RAP1GAP: variants seen among roughly 807,000 people sequenced by gnomAD.
The protein encoded by RAP1GAP is RAP1 GTPase activating protein, also known as rap1 GTPase-activating protein 1.
A neutral mutation model predicts 87.2 loss-of-function variants in RAP1GAP; 35 were observed. The ratio of observed to expected loss-of-function variants is 0.40; its 90% CI spans 0.31 to 0.53. RAP1GAP has a LOEUF of 0.53. RAP1GAP is among the 20% of genes least tolerant of loss of function. The pLI is 0.48. For missense variants in RAP1GAP, 734 were observed against 898.9 expected (o/e 0.82, Z 2.35); for synonymous variants, 375 against 363.9 (o/e 1.03, Z -0.35).
rs1383590933 is a variant in RAP1GAP, at chr1:21,598,620, G to A, written c.1777-118C>T. The stretch of plus-strand genomic sequence containing the variant: ...ACAACCCCCCACCCGTACCCTCTGC[G>A]AGGAGGACGGGCCTAGCCATGTCTG... On this transcript the variant is annotated intron_variant, in intron 21 of 24. Coordinates refer to ENST00000374765, the MANE Select transcript of RAP1GAP (RefSeq NM_002885.4). 36 of 805,404 alleles carry A rather than the reference G, an allele frequency of 4.5e-5. No homozygotes were observed. The East Asian group carries it at 5.9e-4, about 13-fold the overall frequency. The allele number at this position is 805,404 out of a possible 1,614,324, so 49.9% of individuals were successfully genotyped here. A position where few individuals can be genotyped will look rare whatever the true frequency, so the allele number is the denominator to read the frequency against.
intron 13 of RAP1GAP, among the ~76,000 whole-genome samples, chr1:21,610,930 T>C (rs983527876): frequency 1.3e-5 from 2 of 152,238 alleles, no homozygotes; most frequent in African/African-American, 2.4e-5. Context: ...GATAGCCCTG[T>C]AGGAGGCTCA....
intron 21 of RAP1GAP, 146 bp downstream of exon 21, chr1:21,599,348 G>A: frequency 1.7e-6 from 2 of 1,172,250 alleles, no homozygotes; most frequent in Non-Finnish European, 1.2e-6. Flanking sequence ...GCAGGGGAGG[G>A]TTCGTCTGCA....
intron 3 of RAP1GAP, among the ~76,000 whole-genome samples, chr1:21,620,419 C>T (rs1374881176): frequency 1.3e-5 from 2 of 152,200 alleles, no homozygotes; most frequent in East Asian, 1.9e-4. Context: ...CCACCTCTCC[C>T]GGAAGGGGGC....
intron 20 of RAP1GAP, 72 bp downstream of exon 20, chr1:21,601,612 G>T: frequency 8.3e-7 from 1 of 1,210,058 alleles, no homozygotes; most frequent in South Asian, 1.5e-5. Context: ...GCTGTCCCGG[G>T]CCCAGGCAGG....
chr1:21,604,287 G>A (rs1192841684), intron 18 of RAP1GAP, among the ~76,000 whole-genome samples: 1 of 151,800 alleles, frequency 6.6e-6, no homozygotes, highest in Non-Finnish European at 1.5e-5. Flanking sequence ...GCCAGGGGAA[G>A]GCCGAAAGGA....
intron 3 of RAP1GAP, among the ~76,000 whole-genome samples, chr1:21,621,688 T>A (rs2087753958): frequency 6.6e-6 from 1 of 152,238 alleles, no homozygotes; most frequent in South Asian, 2.1e-4. Flanking sequence ...ACAGCAACTT[T>A]GGCTTCTGTG....
chr1:21,669,237 T>C lies in RAP1GAP; in HGVS notation c.-149+17A>G, dbSNP rs1371769767. The C allele has an allele frequency of 1.4e-5, 17 of 1,251,676 alleles. No individual in the cohort carries two copies. The highest frequency in any genetic ancestry group is 3.3e-5 in the African/African-American group (2 of 61,408). The allele number at this position is 1,251,676 out of a possible 1,614,324, so 77.5% of individuals were successfully genotyped here. A position where few individuals can be genotyped will look rare whatever the true frequency, so the allele number is the denominator to read the frequency against. ...CTTCCCCTTTCCAGGGCCGCAGCCC[T>C]GGCGGGGCGCACTCACCCAAGGGCC... On this transcript the variant is annotated intron_variant, in intron 1 of 24. Transcript: ENST00000374765. The surrounding 1 kb of genome is among the most constrained non-coding windows in gnomAD (Gnocchi z 5.6).
At chr1:21,598,900 G>T (rs1226007105) in intron 21 of RAP1GAP, among the ~76,000 whole-genome samples, 1 of 152,266 alleles carries the variant, frequency 6.6e-6, no homozygotes, top group East Asian at 1.9e-4. Context: ...AGCTGTATCT[G>T]TTGTATCTGG....
Position 21,626,329 on chromosome 1 carries a change from G to A in RAP1GAP, c.-44C>T, listed in dbSNP as rs2092035177. On this transcript the variant is annotated 5_prime_UTR_variant, in exon 3 of 25. Coordinates refer to ENST00000374765, the MANE Select transcript of RAP1GAP (RefSeq NM_002885.4). ...CTTAGGGTAGAGTGAAGGAGTATAG[G>A]AGGGAACTAAGTTCACTCGTGACAG... 2 of 1,611,850 alleles carry A rather than the reference G, an allele frequency of 1.2e-6. No homozygotes were observed. Among genetic ancestry groups the A allele is most frequent in the East Asian group, 2.2e-5 (1 of 44,876 alleles).
intron 2 of RAP1GAP, among the ~76,000 whole-genome samples, chr1:21,636,667 T>C (rs1054824589): frequency 1.3e-5 from 2 of 151,508 alleles, no homozygotes; most frequent in African/African-American, 4.9e-5. Context: ...ATTAGCCGGG[T>C]GTGGTAGCGC....
chr1:21,629,711 T>G (rs1167780405), intron 2 of RAP1GAP, among the ~76,000 whole-genome samples: 1 of 152,242 alleles, frequency 6.6e-6, no homozygotes, highest in Admixed American at 6.5e-5. Flanking sequence ...AGCCACGTCC[T>G]GCCGGGCGTC....
intron 2 of RAP1GAP, among the ~76,000 whole-genome samples, chr1:21,629,219 T>G (rs1369403117): frequency 6.6e-6 from 1 of 152,046 alleles, no homozygotes; most frequent in African/African-American, 2.4e-5. Flanking sequence ...AGTCCTGGGG[T>G]AGAAGCCCGG....
intron 1 of RAP1GAP, among the ~76,000 whole-genome samples, chr1:21,656,723 T>G (rs1224747171): frequency 1.3e-5 from 2 of 152,182 alleles, no homozygotes; most frequent in East Asian, 3.9e-4. Context: ...CCTGCTCTAT[T>G]CAATGGGTTT....
chr1:21,608,607 C>G (rs894089675), intron 16 of RAP1GAP, among the ~76,000 whole-genome samples: 21 of 151,364 alleles, frequency 1.4e-4, no homozygotes, highest in African/African-American at 4.9e-4. Flanking sequence ...GTCCACCCCC[C>G]CACCTGACAG....
intron 2 of RAP1GAP, among the ~76,000 whole-genome samples, chr1:21,648,862 C>G (rs956780220): frequency 2.6e-5 from 4 of 152,196 alleles, no homozygotes; most frequent in Admixed American, 6.5e-5. Flanking sequence ...CTGAGGCACC[C>G]TGTGTGCCTC....
Position 21,603,829 on chromosome 1 carries a change from G to C in RAP1GAP, c.1429-916C>G, listed in dbSNP as rs764806167. 1 of 1,611,124 alleles carries C rather than the reference G, an allele frequency of 6.2e-7. No homozygotes were observed. Among genetic ancestry groups the C allele is most frequent in the African/African-American group, 1.3e-5 (1 of 75,018 alleles). On this transcript the variant is annotated intron_variant, in intron 18 of 24. Coordinates refer to ENST00000374765, the MANE Select transcript of RAP1GAP (RefSeq NM_002885.4). This position sits in a 1 kb window ranked among gnomAD's most constrained non-coding sequence, Gnocchi z 6.0. ...CTCCAGAGCCGGCGGCCCCGCGGAC[G>C]ACAACCTCTTCCACGGTTCCTATGC...
At chr1:21,625,249 A>AG in intron 3 of RAP1GAP, among the ~76,000 whole-genome samples, 1 of 152,214 alleles carries the variant, frequency 6.6e-6, no homozygotes, top group Non-Finnish European at 1.5e-5. Flanking sequence ...CTCAGGGAGG[A>AG]GCCTGGTGGA....
chr1:21,644,900 CAA>C (rs34783815), intron 2 of RAP1GAP, among the ~76,000 whole-genome samples: 19,198 of 114,378 alleles, frequency 0.17, 1,380 homozygotes, highest in East Asian at 0.38. Context: ...GACCCTGTCT[CAA>C]AAAAAAAAAA....
At chr1:21,664,976 A>G (rs1248829923) in intron 1 of RAP1GAP, among the ~76,000 whole-genome samples, 1 of 152,208 alleles carries the variant, frequency 6.6e-6, no homozygotes, top group East Asian at 1.9e-4. Flanking sequence ...GAAATGAGGC[A>G]CAGAGAAGGC....
Sources: allele counts gnomAD v4.1 joint callset (sites outside exome capture counted in the v4.1 genomes callset), GRCh38; gene constraint gnomAD v4.1.1; non-coding constraint Gnocchi (gnomAD v3.1); transcripts MANE v1.5; gene names NCBI Gene and HGNC (gene_info 2026-07-23, HGNC 2026-07-21).